SLC12A2: variants seen among roughly 807,000 people sequenced by gnomAD.
SLC12A2 encodes the protein solute carrier family 12 member 2.
A neutral mutation model predicts 136.3 loss-of-function variants in SLC12A2; 67 were observed. The observed-to-expected ratio is 0.49, with a 90% CI of 0.40 to 0.60. SLC12A2 has a LOEUF of 0.60. Among genes scored for constraint, SLC12A2 ranks in the 20% least tolerant of loss-of-function variants. The pLI, the probability that SLC12A2 is intolerant of heterozygous loss-of-function variation, is 0.00. For synonymous variants in SLC12A2, 619 were observed against 562.9 expected, an observed-to-expected ratio of 1.10 and a Z score of -1.41; for missense variants, 1,322 against 1,534.7, an observed-to-expected ratio of 0.86 and a Z score of 2.32.
intron 1 of SLC12A2, among the ~76,000 whole-genome samples, chr5:128,099,195 T>C (rs1169006140): frequency 1.3e-5 from 2 of 152,174 alleles, no homozygotes. Flanking sequence ...CTAGAGAGCA[T>C]ATTCCACTAC....
chr5:128,180,336 C>G (rs72794400), intron 22 of SLC12A2, among the ~76,000 whole-genome samples: 42,352 of 151,904 alleles, frequency 0.28, 6,523 homozygotes, highest in African/African-American at 0.41. Context: ...TTTGCACTTT[C>G]CCTTCACAGC....
rs1382649277 is a variant in SLC12A2, at chr5:128,083,901, G to A, written c.-54G>A. On this transcript the variant is annotated 5_prime_UTR_variant, in exon 1 of 27. It adds an upstream start codon to the 5' untranslated region. Transcript: ENST00000262461. ...ACCGCCGGCCAGGGGTGTGGAGGGC[G>A]TGCTGCCGGAGACGTCCGCCGGGCT... The A allele has an allele frequency of 1.7e-6, 2 of 1,201,942 alleles. No individual in the cohort carries two copies. The highest frequency in any genetic ancestry group is 1.0e-6 in the Non-Finnish European group (1 of 965,248). The allele number at this position is 1,201,942 out of a possible 1,614,324, so 74.5% of individuals were successfully genotyped here.
chr5:128,184,231 T>G, intron 24 of SLC12A2, 135 bp from the exon 25 acceptor site: 1 of 531,156 alleles, frequency 1.9e-6, no homozygotes, highest in Non-Finnish European at 3.2e-6. Flanking sequence ...AAACTGATTA[T>G]TATGGTTGGG....
chr5:128,084,243 G>A lies in SLC12A2; in HGVS notation c.289G>A (p.Ala97Thr), dbSNP rs1759959773. 5 of 1,219,558 alleles carry A rather than the reference G, an allele frequency of 4.1e-6. No homozygotes were observed. Among genetic ancestry groups the A allele is most frequent in the Non-Finnish European group, 5.1e-6 (5 of 971,540 alleles). The allele number at this position is 1,219,558 out of a possible 1,614,324, so 75.5% of individuals were successfully genotyped here. A position where few individuals can be genotyped will look rare whatever the true frequency, so the allele number is the denominator to read the frequency against. ...GAACGCCGGGCGGGCCGCTGCTGCG[G>A]CGGCGGCGGCGGCGGCGGCAGCGGC... ...SENAGRAAAA[A>T]AAAAAAAAAA... The change falls in exon 1 of 27, where the codon GCG becomes ACG. Residue 97 changes from alanine to threonine, a missense_variant. By Grantham distance (58) the Ala-to-Thr change is moderately conservative. Around this residue, in one of 8 missense-constraint regions of SLC12A2, gnomAD observed 358 missense variants for 299.7 expected, o/e 1.19. Transcript: ENST00000262461. This position sits in a 1 kb window ranked among gnomAD's most constrained non-coding sequence, Gnocchi z 5.6.
chr5:128,171,649 T>G lies in SLC12A2; in HGVS notation c.2724-18T>G. ...ATTTTTTTTTTGGTTTTTTCATTTTTTGTTTTTTTGTTCTTAGTGATGCTT... is the reference window on the plus strand; with the variant it reads ...ATTTTTTTTTTGGTTTTTTCATTTTGTGTTTTTTTGTTCTTAGTGATGCTT... On this transcript the variant is annotated intron_variant, in intron 18 of 26. Transcript: ENST00000262461. The G allele has an allele frequency of 6.5e-7, 1 of 1,544,800 alleles. No individual in the cohort carries two copies. The highest frequency in any genetic ancestry group is 8.7e-7 in the Non-Finnish European group (1 of 1,144,204).
At chr5:128,089,584 T>G (rs541693319) in intron 1 of SLC12A2, among the ~76,000 whole-genome samples, 1 of 152,332 alleles carries the variant, frequency 6.6e-6, no homozygotes, top group East Asian at 1.9e-4. Flanking sequence ...TACCTTGAAC[T>G]CCTGAGAGTT....
At chr5:128,122,677 A>G (rs1761629384) in intron 4 of SLC12A2, among the ~76,000 whole-genome samples, 1 of 152,192 alleles carries the variant, frequency 6.6e-6, no homozygotes, top group Non-Finnish European at 1.5e-5. Flanking sequence ...AAAGCCAAAA[A>G]CATTGGAAAT....
intron 26 of SLC12A2, among the ~76,000 whole-genome samples, chr5:128,185,152 C>G (rs1030686956): frequency 1.3e-5 from 2 of 152,106 alleles, no homozygotes; most frequent in Non-Finnish European, 2.9e-5. Context: ...AACACTACAG[C>G]ATAGCCGTTA....
At chr5:128,168,950 GT>G (rs1406184990) in intron 18 of SLC12A2, 1 of 152,072 alleles carries the variant, frequency 6.6e-6, no homozygotes, top group Non-Finnish European at 1.5e-5. Context: ...CTTTCTGGTT[GT>G]GTTCTGTTTG....
At chr5:128,175,880 T>G (rs1003963240) in intron 20 of SLC12A2, among the ~76,000 whole-genome samples, 1 of 152,008 alleles carries the variant, frequency 6.6e-6, no homozygotes, top group Non-Finnish European at 1.5e-5. Flanking sequence ...CAAATGCCAT[T>G]AAATGTCTGC....
intron 9 of SLC12A2, 37 bp from the exon 10 acceptor site, chr5:128,141,793 A>G (rs370221906): frequency 7.8e-5 from 122 of 1,565,116 alleles, no homozygotes; most frequent in Non-Finnish European, 1.0e-4. Context: ...GAATGTAGAT[A>G]TTAACTATAT....
intron 1 of SLC12A2, among the ~76,000 whole-genome samples, chr5:128,085,255 T>A (rs1211670558): frequency 5.3e-5 from 8 of 151,974 alleles, no homozygotes; most frequent in Non-Finnish European, 1.0e-4. Flanking sequence ...ATACAAAGGA[T>A]CATAGAGATC....
At chr5:128,149,002 A>G (rs779537124) in intron 12 of SLC12A2, 125 bp downstream of exon 12, 10 of 834,798 alleles carry the variant, frequency 1.2e-5, no homozygotes, top group African/African-American at 3.5e-5. Flanking sequence ...AAGAAAGTTT[A>G]TAAAGTACTG....
chr5:128,091,817 T>C (rs1388991208), intron 1 of SLC12A2, among the ~76,000 whole-genome samples: 2 of 152,232 alleles, frequency 1.3e-5, no homozygotes, highest in Non-Finnish European at 2.9e-5. Flanking sequence ...CATAGTATCA[T>C]TGGACTCAGA....
intron 17 of SLC12A2, among the ~76,000 whole-genome samples, chr5:128,164,895 T>TGGAGTGCA (rs1763154083): frequency 6.6e-6 from 1 of 150,892 alleles, no homozygotes; most frequent in African/African-American, 2.5e-5. Context: ...TCTCCCAGGT[T>TGGAGTGCA]GGAGTGCAGT....
chr5:128,156,065 C>G (rs1013805747), intron 15 of SLC12A2, among the ~76,000 whole-genome samples: 1 of 152,098 alleles, frequency 6.6e-6, no homozygotes, highest in Non-Finnish European at 1.5e-5. Flanking sequence ...GGTTCAGGGA[C>G]AGTGGCAATG....
chr5:128,096,514 A>T (rs886811994), intron 1 of SLC12A2, among the ~76,000 whole-genome samples: 1 of 152,088 alleles, frequency 6.6e-6, no homozygotes, highest in African/African-American at 2.4e-5. Context: ...TTAAAATGTG[A>T]ATTTGCTTTT....
At position 128,187,677 on chromosome 5, in the gene SLC12A2, T is replaced by G. The variant is rs758848629; in HGVS notation, c.*1046T>G. The G allele has an allele frequency of 2.0e-5, 3 of 152,622 alleles. No individual in the cohort carries two copies. Among genetic ancestry groups the G allele is most frequent in the Non-Finnish European group, 4.4e-5 (3 of 68,020 alleles). 9.5% of individuals were successfully genotyped at this position (152,622 alleles called of 1,614,324 possible). Reference sequence around the variant, plus strand: ...GTTTCTTAGAGAAATGTTTTTAGGCTTAATTCATTCAATTGTCAAGTACAC... The same window carrying G: ...GTTTCTTAGAGAAATGTTTTTAGGCGTAATTCATTCAATTGTCAAGTACAC... On this transcript the variant is annotated 3_prime_UTR_variant, in exon 27 of 27. Transcript: ENST00000262461.
rs1763801693 is a variant in SLC12A2 at position 128,184,374 on chromosome 5, CT to C, written c.3312del (p.Phe1104LeufsTer23). 4 of 1,543,168 alleles carry C rather than the reference CT, an allele frequency of 2.6e-6. No individual in the cohort carries two copies. Among genetic ancestry groups the C allele is most frequent in the Non-Finnish European group, 3.5e-6 (4 of 1,141,864 alleles). On this transcript the variant is annotated frameshift_variant, in exon 25 of 27. Transcript: ENST00000262461. LOFTEE classifies it high-confidence loss of function. Reference protein sequence around the residue: ...NTKPKKENIIAFEEIIEPYRL... With the variant: ...NTKPKKENIIXFEEIIEPYRL... ...CTTTCTGTTTTTTAAAGTATTATAG[CT>C]TTTGAGGAAATCATTGAGCCATACA...
Sources: allele counts gnomAD v4.1 joint callset (sites outside exome capture counted in the v4.1 genomes callset), GRCh38; gene constraint gnomAD v4.1.1; regional missense constraint gnomAD v4.1.1; non-coding constraint Gnocchi (gnomAD v3.1); transcripts MANE v1.5; gene names NCBI Gene and HGNC (gene_info 2026-07-23, HGNC 2026-07-21).